The following WDR59 variants were observed in gnomAD, a reference collection of about 807,000 sequenced individuals.
WDR59 encodes GATOR2 complex protein WDR59.
In WDR59, 100 loss-of-function variants were observed where a neutral mutation model predicts 131.2. The observed-to-expected ratio is 0.76, with a 90% CI of 0.65 to 0.90. The LOEUF (loss-of-function observed/expected upper bound fraction) is 0.90. Ranked by LOEUF, WDR59 falls within the 40% of genes least tolerant of loss-of-function variation. The pLI is 0.00. For synonymous variants in WDR59, 601 were observed against 466.2 expected (o/e 1.29, Z -3.72); for missense variants, 1,203 against 1,262.2 (o/e 0.95, Z 0.71).
At chr16:74,941,478 G>C (rs557288855) in intron 7 of WDR59, among the ~76,000 whole-genome samples, 2 of 152,180 alleles carry the variant, frequency 1.3e-5, no homozygotes, top group South Asian at 4.2e-4. Flanking sequence ...CAGATCACTT[G>C]AGGTCGGGAG....
At chr16:74,889,911 C>G in intron 20 of WDR59, 96 bp from the exon 21 acceptor site, 1 of 857,494 alleles carries the variant, frequency 1.2e-6, no homozygotes, top group South Asian at 1.8e-5. Context: ...AAACCTGATG[C>G]CTTGCTACAT....
intron 1 of WDR59, among the ~76,000 whole-genome samples, chr16:74,970,221 G>C (rs1462899560): frequency 6.6e-6 from 1 of 151,966 alleles, no homozygotes; most frequent in South Asian, 2.1e-4. Flanking sequence ...CTTTATTTTT[G>C]TGTTCTCTAT....
In WDR59 at chr16:74,956,531, T is replaced by C; in HGVS notation, c.184A>G (p.Ile62Val). The change falls in exon 3 of 26, where the codon ATT (isoleucine) becomes GTT (valine). Residue 62 changes from isoleucine to valine, a missense_variant. Ile to Val is a conservative substitution (Grantham distance 29). Coordinates refer to ENST00000262144, the MANE Select transcript of WDR59 (RefSeq NM_030581.4). ...RKISRQSKWD[I>V]GAVQWNPHDS... is the part of the protein sequence containing the mutation. The stretch of plus-strand genomic sequence containing the variant: ...TGAGGATTCCACTGCACAGCTCCAA[T>C]GTCCCATTTGCTCTGGCGAGAGATC... 1.2e-6 allele frequency: 2 copies of C among 1,614,114 alleles called. No homozygotes were observed. The highest frequency in any genetic ancestry group is 1.7e-6 in the Non-Finnish European group (2 of 1,180,008).
intron 1 of WDR59, among the ~76,000 whole-genome samples, chr16:74,970,358 A>G (rs139096680): frequency 1.3e-5 from 2 of 151,844 alleles, no homozygotes; most frequent in East Asian, 3.9e-4. Context: ...ACTTAATTCT[A>G]CTTATCTTCT....
intron 18 of WDR59, among the ~76,000 whole-genome samples, chr16:74,902,600 G>A (rs1340742593): frequency 3.3e-5 from 5 of 151,980 alleles, no homozygotes; most frequent in Admixed American, 1.3e-4. Flanking sequence ...GGTGGCACAC[G>A]ACACAAATCG....
chr16:74,918,960 G>T (rs2029882144), intron 10 of WDR59, among the ~76,000 whole-genome samples: 1 of 152,116 alleles, frequency 6.6e-6, no homozygotes. Flanking sequence ...CTGAACCACG[G>T]CTTGTTACAA....
chr16:74,978,582 C>T (rs1423082956), intron 1 of WDR59, among the ~76,000 whole-genome samples: 2 of 152,170 alleles, frequency 1.3e-5, no homozygotes, highest in Non-Finnish European at 2.9e-5. Context: ...ATAGAAATCC[C>T]ATCAGCAGCT....
chr16:74,902,569 C>T (rs1965606010), intron 18 of WDR59, among the ~76,000 whole-genome samples: 1 of 152,028 alleles, frequency 6.6e-6, no homozygotes, highest in Non-Finnish European at 1.5e-5. Context: ...ATCTATTCTG[C>T]CCAATCTGAA....
At chr16:74,892,275 C>T (rs546770197) in intron 20 of WDR59, among the ~76,000 whole-genome samples, 1 of 152,276 alleles carries the variant, frequency 6.6e-6, no homozygotes, top group South Asian at 2.1e-4. Context: ...TTCATCGATG[C>T]TTTAGGACCT....
intron 25 of WDR59, among the ~76,000 whole-genome samples, chr16:74,875,009 C>T (rs2144741027): frequency 6.6e-6 from 1 of 152,324 alleles, no homozygotes; most frequent in East Asian, 1.9e-4. Context: ...CAGCAGGGGG[C>T]AGCTGCGTCT....
At chr16:74,894,415 A>G (rs1597657344) in intron 18 of WDR59, among the ~76,000 whole-genome samples, 1 of 152,208 alleles carries the variant, frequency 6.6e-6, no homozygotes, top group African/African-American at 2.4e-5. Flanking sequence ...GGTAACAGAC[A>G]TGGAAGATTG....
chr16:74,888,501 C>T (rs1229767011), intron 21 of WDR59, among the ~76,000 whole-genome samples, 182 bp from the exon 22 acceptor site: 1 of 152,136 alleles, frequency 6.6e-6, no homozygotes, highest in Non-Finnish European at 1.5e-5. Context: ...TTTGAGTTTG[C>T]CTAAACTTGT....
At chr16:74,892,712 A>G (rs1221760986) in intron 19 of WDR59, 147 bp from the exon 20 acceptor site, 1 of 642,456 alleles carries the variant, frequency 1.6e-6, no homozygotes. Context: ...CCCCCTTTCT[A>G]TCTGACTCAG....
chr16:74,976,736 C>T (rs1243190591), intron 1 of WDR59, among the ~76,000 whole-genome samples: 1 of 152,148 alleles, frequency 6.6e-6, no homozygotes, highest in Non-Finnish European at 1.5e-5. Context: ...CGACCAAGCC[C>T]GGCCTAAACA....
chr16:74,882,132 C>A (rs79249538), intron 25 of WDR59, among the ~76,000 whole-genome samples: 2,295 of 152,216 alleles, frequency 0.015, 41 homozygotes, highest in African/African-American at 0.05. Context: ...CACAGAATCC[C>A]GCATGACACT....
Position 74,887,195 on chromosome 16 carries a change from G to C in WDR59, c.2419+488C>G, listed in dbSNP as rs532893248. On this transcript the variant is annotated intron_variant, in intron 23 of 25. Transcript: ENST00000262144. ...ACTTTTTGCTTGCTTTTCTTCACTG[G>C]GCATGAGCTACTTTTGATATCAGGA... Among the ~76,000 whole-genome samples the C allele has an allele frequency of 1.8e-4, 28 of 152,072 alleles. 1 individual carries two copies. Among genetic ancestry groups the C allele is most frequent in the South Asian group, 8.3e-4 (4 of 4,808 alleles).
intron 1 of WDR59, among the ~76,000 whole-genome samples, chr16:74,972,673 T>C (rs1183690866): frequency 2.0e-5 from 3 of 150,022 alleles, no homozygotes; most frequent in Non-Finnish European, 4.4e-5. Flanking sequence ...ATACAAAAAT[T>C]AGCCAGGCGT....
At chr16:74,913,916 C>A (rs982145993) in intron 13 of WDR59, among the ~76,000 whole-genome samples, 1 of 152,088 alleles carries the variant, frequency 6.6e-6, no homozygotes, top group Non-Finnish European at 1.5e-5. Context: ...CTTTAAAAAG[C>A]GGAATTTTGG....
At chr16:74,950,064 G>A (rs1331919286) in intron 4 of WDR59, 2 of 478,392 alleles carry the variant, frequency 4.2e-6, no homozygotes, top group African/African-American at 3.9e-5. Flanking sequence ...TCTCTGGGCT[G>A]AGCGCAGCGG....
Sources: gnomAD v4.1 joint callset for allele counts (sites outside exome capture counted in the v4.1 genomes callset) on GRCh38, gnomAD v4.1.1 for gene constraint, MANE v1.5 for transcripts, NCBI Gene and HGNC (gene_info 2026-07-23, HGNC 2026-07-21) for gene names.